Variants in AKAP7 observed in about 807,000 individuals in gnomAD.
AKAP7 encodes A-kinase anchoring protein 7, also known as A kinase (PRKA) anchor protein 7.
Under a neutral mutation model 39.5 loss-of-function variants are expected in AKAP7, and 39 were observed. That is an observed-to-expected ratio of 0.99 (90% CI 0.76 to 1.29). AKAP7 has a LOEUF of 1.29. Among genes scored for constraint, AKAP7 ranks in the 50% most tolerant of loss-of-function variants. The probability of loss-of-function intolerance (pLI) is 0.00; values close to 1 mark genes in which losing one functional copy is unlikely to be tolerated. For synonymous variants in AKAP7, 140 were observed against 139.1 expected (o/e 1.01, Z -0.05); for missense variants, 414 against 407.7 (o/e 1.02, Z -0.13).
At chr6:131,184,297 T>G in intron 5 of AKAP7, 1 of 565,118 alleles carries the variant, frequency 1.8e-6, no homozygotes, top group Non-Finnish European at 3.5e-6. Context: ...CAGCCTTAGA[T>G]ATGTCGGGGA....
intron 7 of AKAP7, among the ~76,000 whole-genome samples, chr6:131,225,633 T>C (rs1810098512): frequency 1.3e-5 from 2 of 152,208 alleles, no homozygotes; most frequent in Admixed American, 1.3e-4. Context: ...ACCAAAGATT[T>C]GATATATATT....
intron 7 of AKAP7, among the ~76,000 whole-genome samples, chr6:131,257,544 C>T (rs752867187): frequency 9.9e-5 from 15 of 152,112 alleles, no homozygotes; most frequent in Non-Finnish European, 1.8e-4. Context: ...TCCCCCACTT[C>T]TTGGGGTCTT....
At position 131,191,964 on chromosome 6, in the gene AKAP7, C is replaced by T. The variant is rs554336614; in HGVS notation, c.590-7497C>T. 8.6e-5 allele frequency among the ~76,000 whole-genome samples: 13 copies of T among 151,416 alleles called. No individual in the cohort carries two copies. The South Asian group carries it at 1.3e-3, about 15-fold the overall frequency. On this transcript the variant is annotated intron_variant, in intron 5 of 7. Coordinates refer to ENST00000431975, the MANE Select transcript of AKAP7 (RefSeq NM_016377.4). The stretch of plus-strand genomic sequence containing the variant: ...TAATTTTCATATCTTTTTGTAGAGA[C>T]GGGGTCTATCCATGTTGCCCAGGCT...
intron 5 of AKAP7, chr6:131,185,365 G>A (rs192920724): frequency 3.8e-6 from 2 of 529,402 alleles, no homozygotes; most frequent in African/African-American, 1.9e-5. Flanking sequence ...GTGAGGCCAA[G>A]AAAGGCAGGC....
intron 7 of AKAP7, among the ~76,000 whole-genome samples, chr6:131,246,608 T>A (rs1054817653): frequency 2.0e-5 from 3 of 152,168 alleles, no homozygotes; most frequent in Non-Finnish European, 1.5e-5. Context: ...GGGGCCATTC[T>A]GCTATTTCTG....
intron 3 of AKAP7, among the ~76,000 whole-genome samples, chr6:131,163,387 T>G (rs1803178014): frequency 6.6e-6 from 1 of 152,242 alleles, no homozygotes; most frequent in Non-Finnish European, 1.5e-5. Context: ...TTTAAACTAC[T>G]TATGAGCTTT....
intron 5 of AKAP7, among the ~76,000 whole-genome samples, chr6:131,187,959 A>G (rs1806029709): frequency 6.6e-6 from 1 of 152,238 alleles, no homozygotes; most frequent in Non-Finnish European, 1.5e-5. Flanking sequence ...TTTTACTATC[A>G]GTGTTAAGTG....
chr6:131,145,213 T>C, intron 1 of AKAP7, 72 bp from the exon 2 acceptor site: 1 of 1,084,256 alleles, frequency 9.2e-7, no homozygotes, highest in Non-Finnish European at 1.2e-6. Context: ...AGCTGAGTTA[T>C]TTTCATTTAG....
intron 6 of AKAP7, among the ~76,000 whole-genome samples, chr6:131,214,143 T>A (rs1303786580): frequency 6.6e-6 from 1 of 152,158 alleles, no homozygotes; most frequent in Admixed American, 6.5e-5. Flanking sequence ...TGTGACTGCT[T>A]TCCTAGCTAC....
At chr6:131,191,262 C>T (rs976773450) in intron 5 of AKAP7, among the ~76,000 whole-genome samples, 4 of 152,124 alleles carry the variant, frequency 2.6e-5, no homozygotes, top group Admixed American at 2.0e-4. Flanking sequence ...ATGATTCAGC[C>T]TAATATTTCA....
At chr6:131,187,241 C>T (rs1449042864) in intron 5 of AKAP7, among the ~76,000 whole-genome samples, 11 of 152,110 alleles carry the variant, frequency 7.2e-5, no homozygotes, top group South Asian at 2.1e-4. Context: ...TGTTGTCCTT[C>T]GGTTCATTAA....
At chr6:131,156,950 T>C (rs1219104959) in intron 2 of AKAP7, among the ~76,000 whole-genome samples, 3 of 152,078 alleles carry the variant, frequency 2.0e-5, no homozygotes, top group Non-Finnish European at 4.4e-5. Flanking sequence ...AATTTTTTTG[T>C]ATTTTTAGTA....
chr6:131,215,111 A>AT (rs200619374), intron 6 of AKAP7, among the ~76,000 whole-genome samples: 16,593 of 150,674 alleles, frequency 0.11, 1,198 homozygotes, highest in Non-Finnish European at 0.15. Flanking sequence ...AGATGGCATC[A>AT]TTTTTTTTTC....
chr6:131,274,266 C>T (rs958056119), intron 7 of AKAP7, among the ~76,000 whole-genome samples: 1 of 152,036 alleles, frequency 6.6e-6, no homozygotes, highest in Non-Finnish European at 1.5e-5. Context: ...TCTTGGGATT[C>T]TTTGAGTTTC....
intron 7 of AKAP7, among the ~76,000 whole-genome samples, chr6:131,280,319 G>T (rs545315602): frequency 3.8e-4 from 58 of 152,204 alleles, no homozygotes; most frequent in African/African-American, 1.3e-3. Flanking sequence ...TTAGGGTGTT[G>T]CTAGGAATGA....
chr6:131,184,298 A>G, intron 5 of AKAP7: 1 of 566,788 alleles, frequency 1.8e-6, no homozygotes, highest in South Asian at 1.5e-5. Context: ...AGCCTTAGAT[A>G]TGTCGGGGAG....
intron 1 of AKAP7, among the ~76,000 whole-genome samples, chr6:131,142,045 G>A (rs948846304): frequency 2.0e-5 from 3 of 151,922 alleles, no homozygotes; most frequent in African/African-American, 7.3e-5. Flanking sequence ...GCAAAGGAAT[G>A]ACTTAAAGTT....
In AKAP7 at chr6:131,269,247, G is replaced by A. The variant is rs184645995; in HGVS notation, c.851-12283G>A. Among the ~76,000 whole-genome samples the A allele has an allele frequency of 5.6e-3, 855 of 152,224 alleles. 31 individuals carry two copies. Among genetic ancestry groups the A allele is most frequent in the Admixed American group, 0.049 (756 of 15,276 alleles). The stretch of plus-strand genomic sequence containing the variant: ...CTGGCTAATTTTTGTATTTTTAGTG[G>A]AGACAAGGTTGCACCATGTTGGCCA... On this transcript the variant is annotated intron_variant, in intron 7 of 7. Transcript: ENST00000431975.
chr6:131,153,852 T>C (rs897100293), intron 2 of AKAP7, among the ~76,000 whole-genome samples: 5 of 152,172 alleles, frequency 3.3e-5, no homozygotes, highest in Non-Finnish European at 5.9e-5. Context: ...ACAATACTTA[T>C]ACTAACTGTG....
Sources: gnomAD v4.1 joint callset for allele counts (sites outside exome capture counted in the v4.1 genomes callset) on GRCh38, gnomAD v4.1.1 for gene constraint, MANE v1.5 for transcripts, NCBI Gene and HGNC (gene_info 2026-07-23, HGNC 2026-07-21) for gene names.